ARB2A: variants seen among roughly 807,000 people sequenced by gnomAD.
ARB2A encodes ARB2 cotranscriptional regulator A.
chr5:93,643,828 A>AT, the ARB2A span, among the ~76,000 whole-genome samples: 1 of 152,220 alleles, frequency 6.6e-6, no homozygotes, highest in African/African-American at 2.4e-5. Context: ...AAGCAAATCG[A>AT]TTTTAAGTTT....
the ARB2A span, among the ~76,000 whole-genome samples, chr5:93,967,518 A>G: frequency 6.6e-6 from 1 of 152,134 alleles, no homozygotes; most frequent in African/African-American, 2.4e-5. Context: ...TACTAACATA[A>G]GAACACTTCA....
chr5:93,974,371 G>C, the ARB2A span, among the ~76,000 whole-genome samples: 1 of 151,980 alleles, frequency 6.6e-6, no homozygotes, highest in Non-Finnish European at 1.5e-5. Context: ...AGGACAAAAA[G>C]TAATATTACA....
At chr5:93,618,832 C>T in the ARB2A span, 3 of 152,118 alleles carry the variant, frequency 2.0e-5, no homozygotes, top group South Asian at 4.1e-4. Context: ...TTTATTCTAG[C>T]TATAAGTAAA....
At chr5:93,843,541 A>G in the ARB2A span, among the ~76,000 whole-genome samples, 1 of 150,050 alleles carries the variant, frequency 6.7e-6, no homozygotes. Flanking sequence ...CTCCAGCCTT[A>G]GCCTCCTGAG....
chr5:93,699,148 A>C, the ARB2A span, among the ~76,000 whole-genome samples: 1 of 152,330 alleles, frequency 6.6e-6, no homozygotes, highest in East Asian at 1.9e-4. Context: ...ACTTGACAAT[A>C]GATACAGAGA....
At chr5:93,742,075 T>A in the ARB2A span, among the ~76,000 whole-genome samples, 1 of 152,118 alleles carries the variant, frequency 6.6e-6, no homozygotes, top group Admixed American at 6.5e-5. Flanking sequence ...ACATCCCCAG[T>A]CCCTGTGCCC....
chr5:93,780,262 C>G, the ARB2A span, among the ~76,000 whole-genome samples: 1 of 152,176 alleles, frequency 6.6e-6, no homozygotes, highest in Non-Finnish European at 1.5e-5. Flanking sequence ...GGGTTCACAA[C>G]TATTATGTAG....
chr5:93,997,775 T>C, the ARB2A span, among the ~76,000 whole-genome samples: 1 of 151,994 alleles, frequency 6.6e-6, no homozygotes, highest in African/African-American at 2.4e-5. Flanking sequence ...GTAAACATCT[T>C]AAAATCAACT....
At chr5:93,686,080 C>A in the ARB2A span, among the ~76,000 whole-genome samples, 1 of 152,126 alleles carries the variant, frequency 6.6e-6, no homozygotes, top group East Asian at 1.9e-4. Flanking sequence ...TAAAAAAGAA[C>A]CCAAACACAA....
the ARB2A span, among the ~76,000 whole-genome samples, chr5:93,839,453 A>G: frequency 6.6e-6 from 1 of 152,062 alleles, no homozygotes; most frequent in Non-Finnish European, 1.5e-5. Context: ...GGATTTTTGC[A>G]TCTATGTTCA....
the ARB2A span, among the ~76,000 whole-genome samples, chr5:93,664,049 G>A: frequency 6.6e-6 from 1 of 151,576 alleles, no homozygotes; most frequent in African/African-American, 2.4e-5. Flanking sequence ...ATACTCCATT[G>A]GTTCTAACAT....
chr5:93,677,024 AC>A, the ARB2A span, among the ~76,000 whole-genome samples: 1 of 152,236 alleles, frequency 6.6e-6, no homozygotes, highest in Admixed American at 6.5e-5. Flanking sequence ...TCATCATCCT[AC>A]GAATATCTGG....
the ARB2A span, among the ~76,000 whole-genome samples, chr5:93,990,189 G>A: frequency 6.6e-6 from 1 of 151,990 alleles, no homozygotes; most frequent in South Asian, 2.1e-4. Flanking sequence ...GGGATTGGGG[G>A]AAAAATCAGG....
the ARB2A span, chr5:93,784,270 G>T: frequency 4.3e-6 from 3 of 692,524 alleles, no homozygotes; most frequent in South Asian, 1.8e-5. Flanking sequence ...TCCTCTCAAT[G>T]TTCTGCCTCT....
At chr5:93,827,401 G>A in the ARB2A span, among the ~76,000 whole-genome samples, 1 of 152,174 alleles carries the variant, frequency 6.6e-6, no homozygotes, top group African/African-American at 2.4e-5. Flanking sequence ...CTTCTTTTGA[G>A]AAGTGTCTGT....
the ARB2A span, among the ~76,000 whole-genome samples, chr5:93,818,696 G>T: frequency 6.6e-6 from 1 of 152,160 alleles, no homozygotes; most frequent in Non-Finnish European, 1.5e-5. Flanking sequence ...CTACAAGGGT[G>T]TGTCATACAG....
chr5:94,038,121 CAG>C, the ARB2A span, among the ~76,000 whole-genome samples: 1 of 151,928 alleles, frequency 6.6e-6, no homozygotes, highest in Non-Finnish European at 1.5e-5. Flanking sequence ...GGCAAGAAAA[CAG>C]AATCTTTCAT....
At chr5:93,900,390 A>G in the ARB2A span, among the ~76,000 whole-genome samples, 1 of 152,064 alleles carries the variant, frequency 6.6e-6, no homozygotes, top group Non-Finnish European at 1.5e-5. Flanking sequence ...AGGTGGGTGG[A>G]TCACAAGGTC....
chr5:93,788,465 A>C, the ARB2A span, among the ~76,000 whole-genome samples: 3 of 152,122 alleles, frequency 2.0e-5, no homozygotes, highest in Non-Finnish European at 4.4e-5. Context: ...CTGTCCACCT[A>C]ATTTACCGCA....
Sources: allele counts gnomAD v4.1 joint callset (sites outside exome capture counted in the v4.1 genomes callset), GRCh38; gene constraint gnomAD v4.1.1; transcripts MANE v1.5; gene names NCBI Gene and HGNC (gene_info 2026-07-23, HGNC 2026-07-21).